Variants in RIMS1 observed in about 807,000 individuals in gnomAD.
RIMS1 encodes the protein regulating synaptic membrane exocytosis protein 1.
A neutral mutation model predicts 214.1 loss-of-function variants in RIMS1; 83 were observed. That is an observed-to-expected ratio of 0.39 (90% CI 0.32 to 0.47). RIMS1 has a LOEUF of 0.47. RIMS1 is among the 20% of genes least tolerant of loss of function. The probability of loss-of-function intolerance (pLI) is 0.99; values close to 1 mark genes in which losing one functional copy is unlikely to be tolerated. For synonymous variants in RIMS1, 793 were observed against 786.8 expected (o/e 1.01, Z -0.13); for missense variants, 2,050 against 2,161.8 (o/e 0.95, Z 1.03).
chr6:72,080,074 TAAAAAAAA>T (rs770845471), intron 2 of RIMS1, among the ~76,000 whole-genome samples: 5 of 22,400 alleles, frequency 2.2e-4, no homozygotes, highest in African/African-American at 5.5e-4. Flanking sequence ...GTGTCTCTAC[TAAAAAAAA>T]AAAAAAAAAA....
chr6:72,109,406 G>A (rs1465446591), intron 4 of RIMS1, among the ~76,000 whole-genome samples: 2 of 151,912 alleles, frequency 1.3e-5, no homozygotes, highest in African/African-American at 4.8e-5. Flanking sequence ...ACTGGTGTGA[G>A]ATGGTATCTC....
At chr6:72,341,783 A>G (rs562877038) in intron 29 of RIMS1, among the ~76,000 whole-genome samples, 1 of 151,964 alleles carries the variant, frequency 6.6e-6, no homozygotes, top group Admixed American at 6.6e-5. Context: ...CTAAGTCCCT[A>G]GGATGAGGGC....
chr6:72,331,032 ATTTTTCTAT>A (rs2096640779), intron 28 of RIMS1, among the ~76,000 whole-genome samples: 1 of 151,662 alleles, frequency 6.6e-6, no homozygotes. Flanking sequence ...TGTTATACAT[ATTTTTCTAT>A]TTTTTCCAGA....
chr6:72,286,335 T>A (rs1225874044), intron 24 of RIMS1, among the ~76,000 whole-genome samples: 1 of 152,210 alleles, frequency 6.6e-6, no homozygotes, highest in African/African-American at 2.4e-5. Flanking sequence ...CTGGAGGTGC[T>A]TAACTCCAGA....
intron 4 of RIMS1, among the ~76,000 whole-genome samples, chr6:72,131,677 A>G (rs924631362): frequency 2.6e-5 from 4 of 152,198 alleles, no homozygotes; most frequent in Non-Finnish European, 5.9e-5. Flanking sequence ...TTTGGGCACC[A>G]TTGTCATTGA....
At chr6:72,370,515 A>G (rs1309349434) in intron 29 of RIMS1, among the ~76,000 whole-genome samples, 2 of 152,140 alleles carry the variant, frequency 1.3e-5, no homozygotes, top group Admixed American at 6.6e-5. Context: ...TGCTAACTTG[A>G]TCCCCTGTCT....
At chr6:71,945,906 C>T (rs1043725866) in intron 1 of RIMS1, among the ~76,000 whole-genome samples, 9 of 151,982 alleles carry the variant, frequency 5.9e-5, no homozygotes, top group Admixed American at 3.3e-4. Context: ...CCTGCCACTA[C>T]GCTCAGCTAA....
chr6:72,382,113 G>A (rs1255119031), intron 29 of RIMS1, among the ~76,000 whole-genome samples: 1 of 152,086 alleles, frequency 6.6e-6, no homozygotes, highest in East Asian at 1.9e-4. Context: ...ATGGGAAAAT[G>A]GAAGGAAAAT....
intron 28 of RIMS1, among the ~76,000 whole-genome samples, chr6:72,314,232 G>T (rs2095650223): frequency 6.6e-6 from 1 of 152,172 alleles, no homozygotes; most frequent in African/African-American, 2.4e-5. Flanking sequence ...AGACATCCAA[G>T]TGCTATCTAA....
chr6:72,122,730 C>T (rs923158980), intron 4 of RIMS1, among the ~76,000 whole-genome samples: 7 of 151,734 alleles, frequency 4.6e-5, no homozygotes, highest in Non-Finnish European at 8.8e-5. Context: ...CAGGAATTTA[C>T]TCATTTCTTC....
chr6:71,924,567 A>T (rs898336547), intron 1 of RIMS1, among the ~76,000 whole-genome samples: 1 of 150,550 alleles, frequency 6.6e-6, no homozygotes, highest in Non-Finnish European at 1.5e-5. Flanking sequence ...GCAAAGACCG[A>T]CTGATTGCTT....
chr6:72,330,949 G>T (rs1315296613), intron 28 of RIMS1, among the ~76,000 whole-genome samples: 1 of 150,312 alleles, frequency 6.7e-6, no homozygotes, highest in Non-Finnish European at 1.5e-5. Context: ...TATATTTTTT[G>T]AGAAAAAAAA....
In RIMS1 at chr6:72,274,445, T is replaced by C. The variant is rs1157745565; in HGVS notation, c.3482+13T>C. The C allele has an allele frequency of 6.2e-7, 1 of 1,602,330 alleles. No homozygotes were observed. Among genetic ancestry groups the C allele is most frequent in the Non-Finnish European group, 8.5e-7 (1 of 1,169,608 alleles). ...CGGAGAATGACAGGTACTAGTCAAC[T>C]CCTCCTCACAGACAAGTGGCTTCTA... On this transcript the variant is annotated intron_variant, in intron 23 of 33. Coordinates refer to ENST00000521978, the MANE Select transcript of RIMS1 (RefSeq NM_014989.7).
chr6:72,381,262 A>G (rs2098482617), intron 29 of RIMS1, among the ~76,000 whole-genome samples: 1 of 151,970 alleles, frequency 6.6e-6, no homozygotes, highest in South Asian at 2.1e-4. Flanking sequence ...ACACCAGTCA[A>G]ATTGGATTAG....
At chr6:72,124,379 G>A (rs1017175599) in intron 4 of RIMS1, among the ~76,000 whole-genome samples, 5 of 151,802 alleles carry the variant, frequency 3.3e-5, no homozygotes, top group South Asian at 4.2e-4. Flanking sequence ...TGGGTAACCC[G>A]ACCTTTCTCT....
In RIMS1 at chr6:72,061,535, G is replaced by A. The variant is rs577117424; in HGVS notation, c.246-35414G>A. 5.3e-5 allele frequency among the ~76,000 whole-genome samples: 8 copies of A among 152,304 alleles called. No homozygotes were observed. In the South Asian group the frequency reaches 6.2e-4, roughly 12 times the overall value. ...CACTCACTCAGCGGCTGTGCATTAC[G>A]CGCTTTCTGACTTCTGATCCTCTTC... On this transcript the variant is annotated intron_variant, in intron 2 of 33. Transcript: ENST00000521978.
In RIMS1 at chr6:72,258,260, T is replaced by C. The variant is rs779773014; in HGVS notation, c.2906T>C (p.Leu969Ser). 1 of 1,613,378 alleles carries C rather than the reference T, an allele frequency of 6.2e-7. No individual in the cohort carries two copies. Among genetic ancestry groups the C allele is most frequent in the South Asian group, 1.1e-5 (1 of 91,064 alleles). Residue 969 changes from leucine to serine, a missense_variant, in exon 17 of 34, where the codon TTA (leucine) becomes TCA (serine). Around this residue, in one of 6 missense-constraint regions of RIMS1, gnomAD observed 889 missense variants for 885.5 expected, o/e 1.00. Coordinates refer to ENST00000521978, the MANE Select transcript of RIMS1 (RefSeq NM_014989.7). Reference sequence around the variant, plus strand: ...GATCAGGGAAAGCCGCGTTCACGTTTACCAAATGTGCCATTACAGAGGTAG... The same window carrying C: ...GATCAGGGAAAGCCGCGTTCACGTTCACCAAATGTGCCATTACAGAGGTAG... ...GNDQGKPRSR[L>S]PNVPLQRSLD...
chr6:71,932,487 G>A (rs1783344228), intron 1 of RIMS1, among the ~76,000 whole-genome samples: 1 of 152,056 alleles, frequency 6.6e-6, no homozygotes, highest in Non-Finnish European at 1.5e-5. Flanking sequence ...GGTTGAGGGT[G>A]GGAGGAGGGA....
intron 23 of RIMS1, among the ~76,000 whole-genome samples, chr6:72,275,156 A>T (rs1591576207): frequency 1.6e-4 from 6 of 36,536 alleles, no homozygotes; most frequent in African/African-American, 7.2e-4. Flanking sequence ...ATATATATAT[A>T]TATATATATA....
Sources: allele counts gnomAD v4.1 joint callset (sites outside exome capture counted in the v4.1 genomes callset), GRCh38; gene constraint gnomAD v4.1.1; regional missense constraint gnomAD v4.1.1; transcripts MANE v1.5; gene names NCBI Gene and HGNC (gene_info 2026-07-23, HGNC 2026-07-21).